LINGO3: variants seen among roughly 807,000 people sequenced by gnomAD.
LINGO3 encodes the protein leucine-rich repeat and immunoglobulin-like domain-containing nogo receptor-interacting protein 3.
For missense variants in LINGO3, 750 were observed against 867.7 expected (o/e 0.86, Z 1.70); for synonymous variants, 427 against 444.2 (o/e 0.96, Z 0.49).
Position 2,290,113 on chromosome 19 carries a change from C to T in LINGO3, c.1664G>A (p.Gly555Asp). ...GAAGTTGTTTTTGTGCTGCCCGCGG[C>T]CGCGGCTCCACACGAACAGCAGCAC... is the stretch of plus-strand genomic sequence containing the variant. The change falls in exon 1 of 1, where the codon GGC (glycine) becomes GAC (aspartate). Residue 555 changes from glycine (G) to aspartate (D), a missense_variant. By Grantham distance (94) the Gly-to-Asp change is moderately conservative. Transcript: ENST00000585527. This position sits in a 1 kb window ranked among gnomAD's most constrained non-coding sequence, Gnocchi z 6.0. 2 of 1,609,720 alleles carry T rather than the reference C, an allele frequency of 1.2e-6. No homozygotes were observed. Among genetic ancestry groups the T allele is most frequent in the Non-Finnish European group, 8.5e-7 (1 of 1,178,428 alleles).
At chr19:2,303,525 A>AACGGCAAAACC in the LINGO3 span, among the ~76,000 whole-genome samples, 1 of 152,078 alleles carries the variant, frequency 6.6e-6, no homozygotes, top group Admixed American at 6.5e-5. Flanking sequence ...CCTAGCTGGC[A>AACGGCAAAACC]ACGGCAAAAC....
Position 2,290,982 on chromosome 19 carries a change from C to T in LINGO3, c.795G>A (p.Ala265=), listed in dbSNP as rs372130296. 3.3e-5 allele frequency: 53 copies of T among 1,611,710 alleles called. No individual in the cohort carries two copies. In the African/African-American group the frequency reaches 6.8e-4, roughly 21 times the overall value. ...AGGTGAGGTGCGCCTGGTGCCGCAG[C>T]GCGGCGGCCGGCACGGCGGTGATGT... The change falls in exon 1 of 1, where the codon GCG becomes GCA. Residue 265 remains alanine, a synonymous_variant. Transcript: ENST00000585527. The surrounding 1 kb of genome is among the most constrained non-coding windows in gnomAD (Gnocchi z 6.0).
chr19:2,299,946 C>CGA, the LINGO3 span, among the ~76,000 whole-genome samples: 12 of 149,792 alleles, frequency 8.0e-5, no homozygotes, highest in Non-Finnish European at 1.6e-4. Flanking sequence ...GATGGTCTTA[C>CGA]TCTCCTGATC....
chr19:2,293,602 C>T (rs1037595420), upstream of LINGO3, among the ~76,000 whole-genome samples: 11 of 151,172 alleles, frequency 7.3e-5, no homozygotes, highest in Admixed American at 4.0e-4. Flanking sequence ...TCGGGTAATC[C>T]ACCGGCCTTG....
upstream of LINGO3, among the ~76,000 whole-genome samples, chr19:2,296,775 C>G (rs1232719615): frequency 6.6e-6 from 1 of 151,522 alleles, no homozygotes; most frequent in East Asian, 2.0e-4. Context: ...CCGTGCCCAG[C>G]TGCAAGACCC....
the LINGO3 span, among the ~76,000 whole-genome samples, chr19:2,303,584 G>A: frequency 6.6e-6 from 1 of 152,232 alleles, no homozygotes; most frequent in East Asian, 1.9e-4. Flanking sequence ...TGCATCCACA[G>A]GCAATGGGGA....
chr19:2,308,031 G>A, the LINGO3 span, among the ~76,000 whole-genome samples: 4 of 151,336 alleles, frequency 2.6e-5, no homozygotes, highest in Admixed American at 6.6e-5. Context: ...GGGGTCCCCA[G>A]GTCTGCGGGC....
the LINGO3 span, among the ~76,000 whole-genome samples, chr19:2,308,145 C>G: frequency 2.9e-5 from 4 of 136,488 alleles, no homozygotes; most frequent in Admixed American, 2.9e-4. Flanking sequence ...CACGAGCAGC[C>G]GCCGCCGCCG....
At position 2,290,329 on chromosome 19, in the gene LINGO3, C is replaced by T. The variant is rs969619260; in HGVS notation, c.1448G>A (p.Ser483Asn). 3 of 1,551,330 alleles carry T rather than the reference C, an allele frequency of 1.9e-6. No individual in the cohort carries two copies. In the South Asian group the frequency reaches 3.5e-5, roughly 18 times the overall value. ...GTAGGTGTCGTTGCCGCCCGCGTTG[C>T]TGGCCACGCACGTGTAGGTGCCGCT... Residue 483 changes from serine to asparagine, a missense_variant, in exon 1 of 1, where the codon AGC becomes AAC. Physicochemically the swap from Ser to Asn is conservative, Grantham distance 46. Coordinates refer to ENST00000585527, the Ensembl canonical transcript of LINGO3. This position sits in a 1 kb window ranked among gnomAD's most constrained non-coding sequence, Gnocchi z 6.0.
At chr19:2,302,377 G>C in the LINGO3 span, among the ~76,000 whole-genome samples, 1 of 152,160 alleles carries the variant, frequency 6.6e-6, no homozygotes. Context: ...TCCTTAAGGA[G>C]CTTACATTCT....
downstream of LINGO3, among the ~76,000 whole-genome samples, chr19:2,289,153 G>C (rs755754005): frequency 1.7e-4 from 25 of 150,846 alleles, no homozygotes; most frequent in Non-Finnish European, 2.7e-4. Context: ...CGTATGAGCT[G>C]TGTGTCCCGG....
chr19:2,295,115 A>G (rs1334503564), upstream of LINGO3, among the ~76,000 whole-genome samples: 1 of 152,198 alleles, frequency 6.6e-6, no homozygotes, highest in Non-Finnish European at 1.5e-5. Flanking sequence ...AGACTGCTTC[A>G]TGTCAGAGAT....
At chr19:2,303,520 C>A in the LINGO3 span, among the ~76,000 whole-genome samples, 5 of 152,144 alleles carry the variant, frequency 3.3e-5, no homozygotes, top group African/African-American at 4.8e-5. Context: ...GGAGCCCTAG[C>A]TGGCAACGGC....
chr19:2,296,205 C>T (rs1277744259), upstream of LINGO3, among the ~76,000 whole-genome samples: 1 of 152,206 alleles, frequency 6.6e-6, no homozygotes, highest in Non-Finnish European at 1.5e-5. Flanking sequence ...GCGGTGATGG[C>T]ACTTTTATCT....
At chr19:2,301,582 G>C in the LINGO3 span, among the ~76,000 whole-genome samples, 1 of 152,284 alleles carries the variant, frequency 6.6e-6, no homozygotes, top group South Asian at 2.1e-4. Flanking sequence ...CGGAGACCCA[G>C]AGACGGACGG....
downstream of LINGO3, among the ~76,000 whole-genome samples, chr19:2,289,505 T>C (rs180705934): frequency 4.4e-3 from 669 of 152,156 alleles, 4 homozygotes; most frequent in Non-Finnish European, 6.5e-3. Flanking sequence ...CAATGCAGAC[T>C]TTCTGCGCAC....
upstream of LINGO3, among the ~76,000 whole-genome samples, chr19:2,296,021 C>A (rs186251423): frequency 6.6e-3 from 1,007 of 152,252 alleles, 10 homozygotes; most frequent in African/African-American, 0.023. Flanking sequence ...GCATGCCCCC[C>A]CCAACCCCGG....
chr19:2,295,684 C>T (rs767306335), upstream of LINGO3, among the ~76,000 whole-genome samples: 15 of 152,042 alleles, frequency 9.9e-5, no homozygotes, highest in Admixed American at 3.9e-4. Flanking sequence ...GGCAGTGAGC[C>T]GAGATTGTGC....
At chr19:2,301,482 C>T in the LINGO3 span, among the ~76,000 whole-genome samples, 2 of 152,180 alleles carry the variant, frequency 1.3e-5, no homozygotes, top group Admixed American at 1.3e-4. Flanking sequence ...CTGAGTGGGT[C>T]CTTGCTGTAG....
Sources: allele counts gnomAD v4.1 joint callset (sites outside exome capture counted in the v4.1 genomes callset), GRCh38; gene constraint gnomAD v4.1.1; non-coding constraint Gnocchi (gnomAD v3.1); transcripts MANE v1.5; gene names NCBI Gene and HGNC (gene_info 2026-07-23, HGNC 2026-07-21).